SUPT3H: variants seen among roughly 807,000 people sequenced by gnomAD.
SUPT3H encodes the protein transcription initiation protein SPT3 homolog.
Under a neutral mutation model 44.3 loss-of-function variants are expected in SUPT3H, and 44 were observed. That is an observed-to-expected ratio of 0.99 (90% confidence interval 0.78 to 1.28). The LOEUF (loss-of-function observed/expected upper bound fraction) is 1.28, where lower values mean the gene tolerates loss of function less well. Ranked by LOEUF, SUPT3H falls within the 50% of genes most tolerant of loss-of-function variation. The pLI is 0.00. For missense variants in SUPT3H, 380 were observed against 387.1 expected (o/e 0.98, Z 0.15); for synonymous variants, 124 against 125.6 (o/e 0.99, Z 0.09).
intron 2 of SUPT3H, among the ~76,000 whole-genome samples, chr6:45,288,583 GTATATATATATA>G (rs1261356182): frequency 0.2 from 17,406 of 86,326 alleles, 1,909 homozygotes; most frequent in East Asian, 0.5. Flanking sequence ...ATATATATAT[GTATATATATATA>G]TGTGTATATA....
At chr6:44,931,891 T>C (rs555833598) in intron 10 of SUPT3H, among the ~76,000 whole-genome samples, 5 of 152,166 alleles carry the variant, frequency 3.3e-5, no homozygotes, top group Admixed American at 6.5e-5. Context: ...TATAATGTTA[T>C]ACATATACAT....
chr6:45,044,848 G>T (rs929543290), intron 3 of SUPT3H, among the ~76,000 whole-genome samples: 1 of 152,020 alleles, frequency 6.6e-6, no homozygotes, highest in Non-Finnish European at 1.5e-5. Flanking sequence ...GGCCAACTGA[G>T]GAGTCAATTT....
chr6:44,947,284 C>T (rs1007906237), intron 9 of SUPT3H, among the ~76,000 whole-genome samples: 2 of 151,920 alleles, frequency 1.3e-5, no homozygotes, highest in African/African-American at 2.4e-5. Flanking sequence ...CTGAAGTATG[C>T]CTGCAGAAAC....
chr6:45,058,445 T>C (rs1458983585), intron 3 of SUPT3H, among the ~76,000 whole-genome samples: 1 of 152,178 alleles, frequency 6.6e-6, no homozygotes, highest in East Asian at 1.9e-4. Flanking sequence ...GAATATGCTA[T>C]GCATACAATT....
intron 10 of SUPT3H, among the ~76,000 whole-genome samples, chr6:44,906,852 C>T (rs1766178670): frequency 1.3e-5 from 2 of 152,182 alleles, no homozygotes; most frequent in African/African-American, 4.8e-5. Flanking sequence ...CTGCTCTTGG[C>T]CATTGTTGTT....
chr6:45,262,292 T>C (rs901665874), intron 2 of SUPT3H, among the ~76,000 whole-genome samples: 3 of 151,498 alleles, frequency 2.0e-5, no homozygotes, highest in African/African-American at 7.3e-5. Context: ...AAGAAAAGCA[T>C]ATTACTGGCA....
At chr6:45,184,957 A>G (rs921066135) in intron 2 of SUPT3H, among the ~76,000 whole-genome samples, 1 of 152,098 alleles carries the variant, frequency 6.6e-6, no homozygotes, top group Non-Finnish European at 1.5e-5. Flanking sequence ...TTAAATTTCC[A>G]CTCCAAAAAT....
At chr6:45,054,968 G>T (rs1386469400) in intron 3 of SUPT3H, among the ~76,000 whole-genome samples, 4 of 151,862 alleles carry the variant, frequency 2.6e-5, no homozygotes, top group African/African-American at 9.7e-5. Context: ...TGCCCCAGGG[G>T]TAATCACTAA....
At chr6:44,927,855 G>T (rs139954693) in intron 10 of SUPT3H, among the ~76,000 whole-genome samples, 293 of 152,236 alleles carry the variant, frequency 1.9e-3, no homozygotes, top group African/African-American at 6.6e-3. Context: ...GGCCAGATAG[G>T]CTCGGTGTGT....
intron 2 of SUPT3H, among the ~76,000 whole-genome samples, chr6:45,111,725 T>G (rs1030609377): frequency 6.6e-6 from 1 of 152,114 alleles, no homozygotes; most frequent in African/African-American, 2.4e-5. Context: ...TTCTCTGATG[T>G]TGAGGATGAA....
chr6:44,819,652 C>A (rs1561833813), intron 11 of SUPT3H, among the ~76,000 whole-genome samples: 1 of 151,508 alleles, frequency 6.6e-6, no homozygotes, highest in Non-Finnish European at 1.5e-5. Flanking sequence ...AAATGCTGGG[C>A]ATGGTGGCAT....
intron 3 of SUPT3H, among the ~76,000 whole-genome samples, chr6:45,031,503 A>G (rs904636074): frequency 6.6e-6 from 1 of 152,200 alleles, no homozygotes; most frequent in African/African-American, 2.4e-5. Context: ...TTCTCTAATA[A>G]TTTCTCATGT....
At chr6:45,334,932 G>A (rs936457156) in intron 2 of SUPT3H, among the ~76,000 whole-genome samples, 1 of 151,162 alleles carries the variant, frequency 6.6e-6, no homozygotes, top group African/African-American at 2.4e-5. Flanking sequence ...ATCCAAAGAT[G>A]TTATTTTCCA....
intron 10 of SUPT3H, among the ~76,000 whole-genome samples, chr6:44,917,228 C>G (rs1023234643): frequency 6.6e-6 from 1 of 152,034 alleles, no homozygotes. Context: ...CTCAAAAGCC[C>G]TTGAAAAACC....
chr6:45,105,403 C>G (rs368765343), intron 3 of SUPT3H, among the ~76,000 whole-genome samples: 1 of 152,052 alleles, frequency 6.6e-6, no homozygotes, highest in African/African-American at 2.4e-5. Context: ...GTGAGTCAGA[C>G]AAATTTTTTT....
chr6:44,973,638 T>C (rs2153484639), intron 6 of SUPT3H, among the ~76,000 whole-genome samples: 1 of 152,292 alleles, frequency 6.6e-6, no homozygotes, highest in East Asian at 1.9e-4. Context: ...CACCACTACC[T>C]GGTACCAATT....
intron 3 of SUPT3H, among the ~76,000 whole-genome samples, chr6:45,028,560 T>G (rs1366191969): frequency 6.6e-6 from 1 of 151,892 alleles, no homozygotes; most frequent in Non-Finnish European, 1.5e-5. Context: ...GTTTTCAGAG[T>G]TTGAAGCATG....
chr6:45,020,464 A>G, intron 4 of SUPT3H, 82 bp downstream of exon 4: 2 of 1,015,740 alleles, frequency 2.0e-6, no homozygotes, highest in South Asian at 1.6e-5. Context: ...TGAAAGGTAC[A>G]TAACAAGGAT....
chr6:45,260,257 G>C (rs1321381786), intron 2 of SUPT3H, among the ~76,000 whole-genome samples: 1 of 152,092 alleles, frequency 6.6e-6, no homozygotes, highest in African/African-American at 2.4e-5. Flanking sequence ...AAGTTTTTCA[G>C]AGGCCAAGTC....
Sources: allele counts gnomAD v4.1 joint callset (sites outside exome capture counted in the v4.1 genomes callset), GRCh38; gene constraint gnomAD v4.1.1; transcripts MANE v1.5; gene names NCBI Gene and HGNC (gene_info 2026-07-23, HGNC 2026-07-21).